The following ADAMTSL3 variants were observed in gnomAD, a reference collection of about 807,000 sequenced individuals.
ADAMTSL3 encodes ADAMTS-like protein 3.
Under a neutral mutation model 201.7 loss-of-function variants are expected in ADAMTSL3, and 128 were observed. The ratio of observed to expected loss-of-function variants is 0.63; its 90% confidence interval spans 0.55 to 0.73. The LOEUF is 0.73. ADAMTSL3 is among the 30% of genes least tolerant of loss of function. ADAMTSL3 has a pLI of 0.00. For synonymous variants in ADAMTSL3, 738 were observed against 748.4 expected, an observed-to-expected ratio of 0.99 and a Z score of 0.23; for missense variants, 1,990 against 2,119.6, an observed-to-expected ratio of 0.94 and a Z score of 1.20.
chr15:83,695,218 T>TATGC (rs2061667219), intron 2 of ADAMTSL3, among the ~76,000 whole-genome samples: 1 of 11,172 alleles, frequency 9.0e-5, no homozygotes, highest in Admixed American at 6.4e-4. Context: ...GGTGTGTGTG[T>TATGC]GTGTGTGTAA....
At chr15:83,740,973 C>T (rs1049227562) in intron 3 of ADAMTSL3, among the ~76,000 whole-genome samples, 2 of 151,814 alleles carry the variant, frequency 1.3e-5, no homozygotes, top group African/African-American at 4.8e-5. Flanking sequence ...AGAAAGACAC[C>T]AGGCCAACAT....
At chr15:83,947,838 C>G (rs534718749) in intron 19 of ADAMTSL3, among the ~76,000 whole-genome samples, 1 of 152,244 alleles carries the variant, frequency 6.6e-6, no homozygotes, top group South Asian at 2.1e-4. Context: ...CAGAAAGTCT[C>G]TAACCTTCTA....
chr15:83,903,073 T>A (rs997538523), intron 15 of ADAMTSL3, among the ~76,000 whole-genome samples: 2 of 151,904 alleles, frequency 1.3e-5, no homozygotes, highest in Non-Finnish European at 2.9e-5. Flanking sequence ...CAAAAAGAAG[T>A]CTTTAAAAAA....
chr15:83,719,494 T>C (rs1170874667), intron 3 of ADAMTSL3, among the ~76,000 whole-genome samples: 3 of 152,158 alleles, frequency 2.0e-5, no homozygotes, highest in Non-Finnish European at 1.5e-5. Context: ...AATTACTATT[T>C]TGTTGTCAAC....
At position 83,927,199 on chromosome 15, in the gene ADAMTSL3, C is replaced by T. The variant is rs531015141; in HGVS notation, c.2117+3166C>T. On this transcript the variant is annotated intron_variant, in intron 17 of 29. Transcript: ENST00000286744. The stretch of plus-strand genomic sequence containing the variant: ...TGGCACAGTCTCGGCCCACTGCAGC[C>T]TCTGCCTCCTGGGTTCAAGTGATTC... 9.9e-5 allele frequency among the ~76,000 whole-genome samples: 15 copies of T among 151,952 alleles called. No homozygotes were observed. The South Asian group carries it at 2.9e-3, about 30-fold the overall frequency.
At chr15:83,942,538 A>G in intron 17 of ADAMTSL3, 58 bp from the exon 18 acceptor site, 2 of 1,525,192 alleles carry the variant, frequency 1.3e-6, no homozygotes, top group Admixed American at 1.8e-5. Flanking sequence ...TCATGCTCTG[A>G]TGGTTGCACG....
chr15:83,766,312 C>CAAACTATACCA (rs2062889101), intron 3 of ADAMTSL3, among the ~76,000 whole-genome samples: 1 of 152,194 alleles, frequency 6.6e-6, no homozygotes, highest in Non-Finnish European at 1.5e-5. Context: ...GCACTGAGCA[C>CAAACTATACCA]AGAGCCTTGA....
intron 2 of ADAMTSL3, among the ~76,000 whole-genome samples, chr15:83,688,005 G>A (rs189175292): frequency 1.9e-4 from 29 of 152,326 alleles, no homozygotes; most frequent in Middle Eastern, 3.4e-3. Context: ...AAAGTGTAAA[G>A]CATGAGGGAA....
chr15:84,016,680 A>T (rs746375542), intron 25 of ADAMTSL3, among the ~76,000 whole-genome samples, 181 bp downstream of exon 25: 17 of 152,152 alleles, frequency 1.1e-4, no homozygotes, highest in Non-Finnish European at 2.2e-4. Flanking sequence ...CCATATTGAA[A>T]CACTTTTTAG....
intron 15 of ADAMTSL3, among the ~76,000 whole-genome samples, chr15:83,908,957 T>C (rs2065888327): frequency 6.6e-6 from 1 of 152,206 alleles, no homozygotes; most frequent in Non-Finnish European, 1.5e-5. Flanking sequence ...CATGCATTTG[T>C]AGAACTGAGA....
chr15:83,728,256 C>T (rs770512928), intron 3 of ADAMTSL3, among the ~76,000 whole-genome samples: 2 of 150,464 alleles, frequency 1.3e-5, no homozygotes, highest in African/African-American at 2.4e-5. Flanking sequence ...TCTTTATAGG[C>T]GAAGTGTGTT....
intron 3 of ADAMTSL3, among the ~76,000 whole-genome samples, chr15:83,755,078 T>C (rs1308343480): frequency 2.0e-5 from 3 of 152,184 alleles, no homozygotes; most frequent in Non-Finnish European, 4.4e-5. Context: ...CTCACCACCA[T>C]TCCTTTTATA....
At chr15:83,930,387 G>A (rs1199736386) in intron 17 of ADAMTSL3, among the ~76,000 whole-genome samples, 1 of 152,160 alleles carries the variant, frequency 6.6e-6, no homozygotes, top group Non-Finnish European at 1.5e-5. Flanking sequence ...CTGCCCAGGA[G>A]GTCAAGGCAG....
intron 9 of ADAMTSL3, among the ~76,000 whole-genome samples, chr15:83,875,430 T>C (rs1567206462): frequency 1.3e-5 from 2 of 152,308 alleles, no homozygotes; most frequent in East Asian, 3.9e-4. Flanking sequence ...TGCAGTTGTG[T>C]ATCTGAGCAG....
chr15:83,931,760 T>C (rs536361380), intron 17 of ADAMTSL3, among the ~76,000 whole-genome samples: 2 of 152,262 alleles, frequency 1.3e-5, no homozygotes, highest in East Asian at 3.9e-4. Context: ...CATGAGGTGG[T>C]GAATGGAGCT....
In ADAMTSL3 at chr15:83,773,590, A is replaced by G; in HGVS notation, c.257A>G (p.Asp86Gly). 6.2e-7 allele frequency: 1 copy of G among 1,614,036 alleles called. No homozygotes were observed. The highest frequency in any genetic ancestry group is 1.3e-5 in the African/African-American group (1 of 75,040). Residue 86 changes from aspartate (D) to glycine (G), a missense_variant, in exon 4 of 30, where the codon GAC becomes GGC. Asp to Gly is a moderately conservative substitution (Grantham distance 94). Coordinates refer to ENST00000286744, the MANE Select transcript of ADAMTSL3 (RefSeq NM_207517.3). ...TGGGATGCTTGGGGCGACTGGAGTG[A>G]CTGCTCCCGGACCTGTGGGGGAGGA... ...GNWDAWGDWS[D>G]CSRTCGGGAS...
chr15:83,782,634 A>C (rs554494147), intron 4 of ADAMTSL3, among the ~76,000 whole-genome samples: 8 of 152,324 alleles, frequency 5.3e-5, no homozygotes, highest in African/African-American at 1.9e-4. Context: ...AGAAAACCAA[A>C]TACCACATGT....
intron 20 of ADAMTSL3, among the ~76,000 whole-genome samples, chr15:83,979,123 C>T (rs1263602848): frequency 1.3e-5 from 2 of 152,230 alleles, no homozygotes; most frequent in Non-Finnish European, 2.9e-5. Context: ...GCTGTTTAGC[C>T]AGACGTTTCC....
Position 83,810,420 on chromosome 15 carries a change from A to G in ADAMTSL3, c.363+5725A>G, listed in dbSNP as rs148932171. On this transcript the variant is annotated intron_variant, in intron 5 of 29. Transcript: ENST00000286744. ...TCCTTTTAAACAAGCATGTGGGTGC[A>G]TTAGCAACCTCAGAGTTCTACCACC... Among the ~76,000 whole-genome samples the G allele has an allele frequency of 2.8e-3, 421 of 152,346 alleles. 3 individuals are homozygous for G. The highest frequency in any genetic ancestry group is 3.4e-3 in the Middle Eastern group (1 of 294).
Sources: gnomAD v4.1 joint callset for allele counts (sites outside exome capture counted in the v4.1 genomes callset) on GRCh38, gnomAD v4.1.1 for gene constraint, MANE v1.5 for transcripts, NCBI Gene and HGNC (gene_info 2026-07-23, HGNC 2026-07-21) for gene names.